STOX2: variants seen among roughly 807,000 people sequenced by gnomAD.
STOX2 encodes the protein storkhead-box protein 2.
A neutral mutation model predicts 60.9 loss-of-function variants in STOX2; 28 were observed. The ratio of observed to expected loss-of-function variants is 0.46; its 90% confidence interval spans 0.34 to 0.63. The LOEUF (loss-of-function observed/expected upper bound fraction) is 0.63, where lower values mean the gene tolerates loss of function less well. STOX2 is among the 30% of genes least tolerant of loss of function. The pLI is 0.01. For missense variants in STOX2, 1,024 were observed against 1,187.7 expected, an observed-to-expected ratio of 0.86 and a Z score of 2.03; for synonymous variants, 472 against 463.9, an observed-to-expected ratio of 1.02 and a Z score of -0.22.
At chr4:183,942,788 A>G (rs58941955) in intron 1 of STOX2, among the ~76,000 whole-genome samples, 15,126 of 152,152 alleles carry the variant, frequency 0.099, 2,554 homozygotes, top group African/African-American at 0.34. Flanking sequence ...TTTCTATATC[A>G]TGTGCTTTAA....
intron 1 of STOX2, among the ~76,000 whole-genome samples, chr4:183,814,231 C>T (rs1161672266): frequency 2.0e-5 from 3 of 151,978 alleles, no homozygotes; most frequent in Non-Finnish European, 4.4e-5. Context: ...TATGAAGCAA[C>T]ATAGAAAAGT....
chr4:184,003,676 C>T (rs1304563499), intron 2 of STOX2, among the ~76,000 whole-genome samples: 3 of 152,230 alleles, frequency 2.0e-5, no homozygotes, highest in African/African-American at 7.2e-5. Context: ...CATGGATGGT[C>T]TTTGGCTCCT....
Position 183,906,617 on chromosome 4 carries a change from G to A in STOX2, c.-174G>A. ...CGGAGCCTTCGCCGTGGGGGTGTGG[G>A]GGGGCGTGGGGAGGGCCGGACCCGC... On this transcript the variant is annotated 5_prime_UTR_variant, in exon 1 of 4. Coordinates refer to ENST00000308497, the MANE Select transcript of STOX2 (RefSeq NM_020225.3). The A allele has an allele frequency of 3.2e-6, 2 of 625,658 alleles. No homozygotes were observed. Among genetic ancestry groups the A allele is most frequent in the Non-Finnish European group, 5.4e-6 (2 of 372,254 alleles). The allele number at this position is 625,658 out of a possible 1,614,324, so 38.8% of individuals were successfully genotyped here.
chr4:183,876,841 C>T (rs1279703545), intron 1 of STOX2, among the ~76,000 whole-genome samples: 3 of 152,194 alleles, frequency 2.0e-5, no homozygotes, highest in Non-Finnish European at 4.4e-5. Flanking sequence ...TTTCTTGAAA[C>T]GTGCACAAAG....
chr4:183,918,372 G>A (rs1741991747), intron 1 of STOX2, among the ~76,000 whole-genome samples: 1 of 152,190 alleles, frequency 6.6e-6, no homozygotes, highest in South Asian at 2.1e-4. Context: ...ATAACTCTAG[G>A]AGAACTTGGC....
intron 1 of STOX2, among the ~76,000 whole-genome samples, chr4:183,978,685 C>T (rs1732538473): frequency 6.6e-6 from 1 of 152,188 alleles, no homozygotes; most frequent in African/African-American, 2.4e-5. Flanking sequence ...ACATTAGGCT[C>T]AGTGGAAGAA....
At chr4:183,888,524 C>G (rs767724611) in intron 1 of STOX2, among the ~76,000 whole-genome samples, 6 of 152,168 alleles carry the variant, frequency 3.9e-5, no homozygotes, top group Non-Finnish European at 8.8e-5. Context: ...CTGTTTCCTC[C>G]CGACCTTGAA....
At chr4:183,925,850 A>T (rs1742227099) in intron 1 of STOX2, among the ~76,000 whole-genome samples, 1 of 152,206 alleles carries the variant, frequency 6.6e-6, no homozygotes, top group Non-Finnish European at 1.5e-5. Context: ...TGGTTCTACT[A>T]AGAGATTGCT....
chr4:183,938,845 T>TG (rs1438462845), intron 1 of STOX2, among the ~76,000 whole-genome samples: 1 of 152,300 alleles, frequency 6.6e-6, no homozygotes, highest in East Asian at 1.9e-4. Context: ...TTTCCAGCCT[T>TG]GCACTTGTAG....
At chr4:183,897,431 A>T (rs961781900) in intron 1 of STOX2, among the ~76,000 whole-genome samples, 1 of 152,198 alleles carries the variant, frequency 6.6e-6, no homozygotes. Context: ...AGATGAGCAG[A>T]TGTAGCTGTT....
At chr4:183,928,186 T>C (rs1742299566) in intron 1 of STOX2, among the ~76,000 whole-genome samples, 1 of 148,424 alleles carries the variant, frequency 6.7e-6, no homozygotes, top group South Asian at 2.2e-4. Flanking sequence ...AGTTCATTTG[T>C]GTCTTTCACG....
chr4:183,810,046 C>T (rs1055583913), intron 1 of STOX2, among the ~76,000 whole-genome samples: 6 of 152,212 alleles, frequency 3.9e-5, no homozygotes, highest in Non-Finnish European at 5.9e-5. Context: ...TGTTCACTGC[C>T]ATTTTTACCT....
Position 183,972,160 on chromosome 4 carries a change from C to T in STOX2, c.167-29165C>T, listed in dbSNP as rs1263246144. Reference sequence around the variant, plus strand: ...GGCTGGGCAGACATCCAAAACTGTGCGTGCTGGGGGAGGAGGATTTCCTTC... The same window carrying T: ...GGCTGGGCAGACATCCAAAACTGTGTGTGCTGGGGGAGGAGGATTTCCTTC... On this transcript the variant is annotated intron_variant, in intron 1 of 3. Coordinates refer to ENST00000308497, the MANE Select transcript of STOX2 (RefSeq NM_020225.3). 5.3e-5 allele frequency among the ~76,000 whole-genome samples: 8 copies of T among 152,318 alleles called. No homozygotes were observed. The South Asian group carries it at 1.0e-3, about 20-fold the overall frequency.
intron 1 of STOX2, among the ~76,000 whole-genome samples, chr4:183,943,950 A>G (rs1359025353): frequency 6.6e-6 from 1 of 152,212 alleles, no homozygotes; most frequent in Non-Finnish European, 1.5e-5. Context: ...TGTAGCCACC[A>G]CTGAGCACTG....
intron 2 of STOX2, among the ~76,000 whole-genome samples, chr4:184,004,633 C>A (rs1255332345): frequency 1.3e-5 from 2 of 152,070 alleles, no homozygotes; most frequent in African/African-American, 4.8e-5. Context: ...TCCGATACAT[C>A]AAAACTTAAA....
chr4:183,862,884 G>A (rs985266482), intron 1 of STOX2, among the ~76,000 whole-genome samples: 2 of 152,108 alleles, frequency 1.3e-5, no homozygotes, highest in Non-Finnish European at 2.9e-5. Context: ...CTACCACCTC[G>A]TGAGGCCTAC....
Position 183,892,518 on chromosome 4 carries a change from C to G in STOX2, c.364+94463C>G, listed in dbSNP as rs35012279. On this transcript the variant is annotated intron_variant, in intron 1 of 2. Coordinates refer to the STOX2 transcript ENST00000513034. ...GATGGTCTCGATCTCCTGACCTTGT[C>G]ATCCGCCCGCCTCGGCTTCCCAAAG... Among the ~76,000 whole-genome samples, 1,169 of 151,880 alleles carry G rather than the reference C, an allele frequency of 7.7e-3. 15 individuals are homozygous for G. The highest frequency in any genetic ancestry group is 0.026 in the African/African-American group (1,088 of 41,294).
intron 1 of STOX2, among the ~76,000 whole-genome samples, chr4:183,930,691 A>G (rs1209904709): frequency 1.3e-5 from 2 of 152,218 alleles, no homozygotes; most frequent in Non-Finnish European, 2.9e-5. Flanking sequence ...TTAGTCTTCA[A>G]TATTCTGTTC....
rs568577120 is a variant in STOX2, at chr4:184,005,254, G to GT, written c.319+3780dup. Among the ~76,000 whole-genome samples the GT allele has an allele frequency of 2.1e-3, 322 of 152,216 alleles. 1 individual carries two copies. Among genetic ancestry groups the GT allele is most frequent in the African/African-American group, 7.6e-3 (315 of 41,550 alleles). Reference sequence around the variant, plus strand: ...GTGGGCGGATCACTTGAGGCCAGGAGTTTGAGACCAATGTGGCCAACATGA... The same window carrying GT: ...GTGGGCGGATCACTTGAGGCCAGGAGTTTTGAGACCAATGTGGCCAACATGA... On this transcript the variant is annotated intron_variant, in intron 2 of 3. Coordinates refer to ENST00000308497, the MANE Select transcript of STOX2 (RefSeq NM_020225.3).
Sources: allele counts gnomAD v4.1 joint callset (sites outside exome capture counted in the v4.1 genomes callset), GRCh38; gene constraint gnomAD v4.1.1; transcripts MANE v1.5; gene names NCBI Gene and HGNC (gene_info 2026-07-23, HGNC 2026-07-21).